The following BDNF variants were observed in gnomAD, a reference collection of about 807,000 sequenced individuals.
BDNF encodes neurotrophic factor BDNF precursor form.
A neutral mutation model predicts 19.5 loss-of-function variants in BDNF; 1 was observed. The observed-to-expected ratio is 0.05, with a 90% CI of 0.02 to 0.24. The LOEUF is 0.24. BDNF is among the 10% of genes least tolerant of loss of function. BDNF has a pLI of 1.00. For missense variants in BDNF, 195 were observed against 317.6 expected, an observed-to-expected ratio of 0.61 and a Z score of 2.93; for synonymous variants, 100 against 121.6, an observed-to-expected ratio of 0.82 and a Z score of 1.17.
chr11:27,684,167 A>G (rs1353350060), intron 1 of BDNF, among the ~76,000 whole-genome samples: 1 of 152,130 alleles, frequency 6.6e-6, no homozygotes, highest in African/African-American at 2.4e-5. Context: ...CTTTGTAGCA[A>G]TTGTGAATGG....
intron 1 of BDNF, among the ~76,000 whole-genome samples, chr11:27,710,909 T>A (rs577302026): frequency 6.7e-4 from 102 of 152,340 alleles, no homozygotes; most frequent in African/African-American, 2.3e-3. Context: ...ATTGGGTTAA[T>A]AAACTAAAGT....
intron 1 of BDNF, among the ~76,000 whole-genome samples, chr11:27,669,719 C>T (rs1416672529): frequency 1.3e-5 from 2 of 152,114 alleles, no homozygotes; most frequent in Non-Finnish European, 2.9e-5. Flanking sequence ...AAGACCTCTT[C>T]AAGGAGAACT....
chr11:27,702,056 T>C (rs775896534), upstream of BDNF, among the ~76,000 whole-genome samples: 1 of 151,572 alleles, frequency 6.6e-6, no homozygotes, highest in Non-Finnish European at 1.5e-5. Context: ...AGAGAACTTA[T>C]ATGGCTAGGG....
intron 1 of BDNF, among the ~76,000 whole-genome samples, chr11:27,678,442 G>T (rs1440773562): frequency 1.3e-5 from 2 of 152,226 alleles, no homozygotes; most frequent in African/African-American, 4.8e-5. Context: ...TCAAGAGCGG[G>T]CTGACTTGCA....
chr11:27,712,431 C>T (rs1233815722), intron 1 of BDNF, among the ~76,000 whole-genome samples: 1 of 152,054 alleles, frequency 6.6e-6, no homozygotes, highest in Non-Finnish European at 1.5e-5. Context: ...CTATATCACA[C>T]AATATATTAT....
chr11:27,717,992 A>C, intron 1 of BDNF, among the ~76,000 whole-genome samples: 1 of 152,106 alleles, frequency 6.6e-6, no homozygotes, highest in East Asian at 1.9e-4. Flanking sequence ...GAGACACGAA[A>C]TCTACAATTT....
intron 1 of BDNF, among the ~76,000 whole-genome samples, chr11:27,662,514 C>G (rs996746008): frequency 6.6e-6 from 1 of 152,100 alleles, no homozygotes; most frequent in African/African-American, 2.4e-5. Context: ...GGCAGTGGTC[C>G]CAACCTTTTT....
chr11:27,702,556 G>T (rs1439076259), upstream of BDNF, among the ~76,000 whole-genome samples: 1 of 152,128 alleles, frequency 6.6e-6, no homozygotes, highest in African/African-American at 2.4e-5. Context: ...TTTCCCTAAA[G>T]ACTCCAACAT....
chr11:27,697,933 ATTTC>A (rs1859316737), intron 1 of BDNF: 1 of 152,180 alleles, frequency 6.6e-6, no homozygotes, highest in Admixed American at 6.5e-5. Context: ...TCTGGAAATC[ATTTC>A]TTTCTGCTTA....
intron 1 of BDNF, chr11:27,721,300 G>T: frequency 8.0e-7 from 1 of 1,248,764 alleles, no homozygotes; most frequent in South Asian, 1.2e-5. Context: ...CCCCTGGCCT[G>T]AGTAGCTGCT....
At chr11:27,677,868 A>C (rs1856371238) in intron 1 of BDNF, 1 of 152,164 alleles carries the variant, frequency 6.6e-6, no homozygotes, top group African/African-American at 2.4e-5. Context: ...CAATCACCAA[A>C]AACAGAGATT....
At chr11:27,684,731 T>C (rs1812833141) in intron 1 of BDNF, among the ~76,000 whole-genome samples, 1 of 152,252 alleles carries the variant, frequency 6.6e-6, no homozygotes, top group African/African-American at 2.4e-5. Flanking sequence ...GAACCAGCCT[T>C]GCATCCCAGG....
At chr11:27,675,907 C>T (rs1165634653) in intron 1 of BDNF, 2 of 152,126 alleles carry the variant, frequency 1.3e-5, no homozygotes, top group South Asian at 2.1e-4. Context: ...CCCAGAGGCC[C>T]TCAGCATGAA....
intron 1 of BDNF, among the ~76,000 whole-genome samples, chr11:27,685,471 G>C (rs968616011): frequency 6.6e-6 from 1 of 151,486 alleles, no homozygotes; most frequent in Non-Finnish European, 1.5e-5. Flanking sequence ...TGCTTCTCTA[G>C]TTCCTTTAAT....
At chr11:27,713,142 A>T (rs1860403816) in intron 1 of BDNF, among the ~76,000 whole-genome samples, 2 of 151,826 alleles carry the variant, frequency 1.3e-5, no homozygotes, top group Admixed American at 1.3e-4. Flanking sequence ...CAAGTGATCC[A>T]CTCACCTCGG....
chr11:27,718,610 A>G (rs1198804801), intron 1 of BDNF, among the ~76,000 whole-genome samples: 1 of 136,558 alleles, frequency 7.3e-6, no homozygotes, highest in Non-Finnish European at 1.6e-5. Context: ...TCTGACTGAG[A>G]AAACGACTGG....
At chr11:27,699,633 T>G in intron 1 of BDNF, 1 of 1,441,240 alleles carries the variant, frequency 6.9e-7, no homozygotes, top group Non-Finnish European at 9.1e-7. Context: ...GTAAGTCCAC[T>G]TCAGTCTCAA....
At chr11:27,691,939 T>C (rs951449706) in intron 1 of BDNF, among the ~76,000 whole-genome samples, 5 of 152,126 alleles carry the variant, frequency 3.3e-5, no homozygotes, top group African/African-American at 1.2e-4. Flanking sequence ...CCTAAAAAAA[T>C]ATAACCTCAA....
At chr11:27,659,577 C>G in intron 1 of BDNF, 3 of 1,000,334 alleles carry the variant, frequency 3.0e-6, no homozygotes, top group Non-Finnish European at 3.6e-6. Flanking sequence ...CTGGCTAATA[C>G]ACACATCTAG....
Sources: allele counts gnomAD v4.1 joint callset (sites outside exome capture counted in the v4.1 genomes callset), GRCh38; gene constraint gnomAD v4.1.1; transcripts MANE v1.5; gene names NCBI Gene and HGNC (gene_info 2026-07-23, HGNC 2026-07-21).